Variants in PCDH15 observed in about 807,000 individuals in gnomAD.
PCDH15 encodes protocadherin-15.
PCDH15 carries 129 observed loss-of-function variants against 178.5 expected under a neutral mutation model. The observed-to-expected ratio is 0.72, with a 90% CI of 0.63 to 0.84. The LOEUF (loss-of-function observed/expected upper bound fraction) is 0.84. Among genes scored for constraint, PCDH15 ranks in the 40% least tolerant of loss-of-function variants. PCDH15 has a pLI of 0.00. For synonymous variants in PCDH15, 800 were observed against 732.0 expected (o/e 1.09, Z -1.50); for missense variants, 2,230 against 2,099.9 (o/e 1.06, Z -1.21).
chr10:55,522,326 A>T (rs1485146671), intron 2 of PCDH15, among the ~76,000 whole-genome samples: 2 of 151,622 alleles, frequency 1.3e-5, no homozygotes, highest in East Asian at 3.9e-4. Context: ...TGTTCTATAG[A>T]TCCATTTTTT....
intron 2 of PCDH15, among the ~76,000 whole-genome samples, chr10:55,515,724 A>G (rs1840997396): frequency 6.6e-6 from 1 of 151,852 alleles, no homozygotes. Flanking sequence ...ATGCCACCTT[A>G]AAAAAAAGTC....
At chr10:53,968,643 T>G (rs931722218) in intron 21 of PCDH15, among the ~76,000 whole-genome samples, 1 of 152,162 alleles carries the variant, frequency 6.6e-6, no homozygotes, top group Non-Finnish European at 1.5e-5. Context: ...GACGCCACTC[T>G]GAGACGAAGC....
chr10:54,150,969 C>A (rs923456268), intron 14 of PCDH15, among the ~76,000 whole-genome samples: 1 of 152,016 alleles, frequency 6.6e-6, no homozygotes, highest in African/African-American at 2.4e-5. Flanking sequence ...GCCATGGATG[C>A]AAAATAGGAG....
intron 3 of PCDH15, among the ~76,000 whole-genome samples, chr10:54,515,186 C>T (rs2082085581): frequency 6.6e-6 from 1 of 152,188 alleles, no homozygotes; most frequent in Non-Finnish European, 1.5e-5. Flanking sequence ...CATTGCTTCA[C>T]TCAGGAAACT....
chr10:55,107,586 G>T (rs1301194455), intron 2 of PCDH15, among the ~76,000 whole-genome samples: 1 of 150,012 alleles, frequency 6.7e-6, no homozygotes, highest in East Asian at 2.0e-4. Flanking sequence ...CTGCCTCCTG[G>T]GTTCAAGCGA....
intron 2 of PCDH15, among the ~76,000 whole-genome samples, chr10:54,639,648 G>A (rs1397832515): frequency 6.6e-6 from 1 of 152,070 alleles, no homozygotes; most frequent in Non-Finnish European, 1.5e-5. Context: ...TTATAATAGT[G>A]AATAAAGTAG....
intron 16 of PCDH15, among the ~76,000 whole-genome samples, chr10:54,083,488 A>G (rs564185701): frequency 2.0e-5 from 3 of 152,340 alleles, no homozygotes; most frequent in African/African-American, 7.2e-5. Flanking sequence ...AGACAGACGA[A>G]TCTTGGAAAC....
chr10:55,528,190 T>A (rs1334518384), intron 2 of PCDH15, among the ~76,000 whole-genome samples: 14 of 151,980 alleles, frequency 9.2e-5, no homozygotes, highest in Non-Finnish European at 1.3e-4. Flanking sequence ...GCATGTGCCA[T>A]CACACTCAGC....
chr10:54,604,869 A>G (rs1213302977), intron 2 of PCDH15, among the ~76,000 whole-genome samples: 1 of 140,246 alleles, frequency 7.1e-6, no homozygotes, highest in Non-Finnish European at 1.6e-5. Context: ...ACAGGCTTTA[A>G]TTCCTTTCTC....
chr10:55,181,513 T>C (rs748235235), intron 1 of PCDH15, among the ~76,000 whole-genome samples: 3 of 151,960 alleles, frequency 2.0e-5, no homozygotes, highest in Non-Finnish European at 4.4e-5. Context: ...TTCATTTAAG[T>C]AGATATTTAA....
chr10:54,810,398 G>C (rs73268258), intron 3 of PCDH15, among the ~76,000 whole-genome samples: 6,318 of 152,102 alleles, frequency 0.042, 388 homozygotes, highest in African/African-American at 0.14. Context: ...CTGGCCTAGA[G>C]TTCTATTAAG....
chr10:55,189,788 G>T (rs773960998), intron 1 of PCDH15, among the ~76,000 whole-genome samples: 1 of 151,704 alleles, frequency 6.6e-6, no homozygotes, highest in Admixed American at 6.6e-5. Flanking sequence ...AAAAATTGGG[G>T]TAAATGGAGT....
At chr10:55,604,711 C>A (rs1372395267) in intron 2 of PCDH15, among the ~76,000 whole-genome samples, 1 of 141,856 alleles carries the variant, frequency 7.0e-6, no homozygotes, top group Non-Finnish European at 1.5e-5. Flanking sequence ...AACAAAGACA[C>A]AACATACCAG....
At chr10:54,531,240 A>G (rs750357383) in intron 2 of PCDH15, among the ~76,000 whole-genome samples, 5 of 152,164 alleles carry the variant, frequency 3.3e-5, no homozygotes, top group Non-Finnish European at 5.9e-5. Flanking sequence ...TTTCATGCCT[A>G]AAGTTTCTAG....
At chr10:54,372,732 A>T (rs1324914254) in intron 4 of PCDH15, among the ~76,000 whole-genome samples, 1 of 151,924 alleles carries the variant, frequency 6.6e-6, no homozygotes, top group East Asian at 1.9e-4. Context: ...GAAGAAAAAA[A>T]AGCTAGGTAG....
chr10:55,228,698 C>A (rs1025513013), intron 1 of PCDH15, among the ~76,000 whole-genome samples: 1 of 151,906 alleles, frequency 6.6e-6, no homozygotes, highest in African/African-American at 2.4e-5. Context: ...ACATTTGACA[C>A]ATCACATAAT....
At chr10:54,170,267 AAAC>A (rs200677555) in intron 13 of PCDH15, among the ~76,000 whole-genome samples, 109,491 of 151,220 alleles carry the variant, frequency 0.72, 40,822 homozygotes, top group Middle Eastern at 0.79. Flanking sequence ...AACTTCTACA[AAAC>A]AACAACTCCT....
intron 15 of PCDH15, among the ~76,000 whole-genome samples, chr10:54,109,874 A>C (rs112232009): frequency 1.7e-3 from 253 of 152,344 alleles, no homozygotes; most frequent in African/African-American, 5.3e-3. Context: ...TAAAGGATAG[A>C]TGCTTGAGGT....
At chr10:54,207,725 T>C (rs750790297) in intron 10 of PCDH15, among the ~76,000 whole-genome samples, 3 of 152,072 alleles carry the variant, frequency 2.0e-5, no homozygotes, top group Non-Finnish European at 4.4e-5. Flanking sequence ...TGGCATTTGA[T>C]CCCTTAGTTC....
Sources: gnomAD v4.1 joint callset for allele counts (sites outside exome capture counted in the v4.1 genomes callset) on GRCh38, gnomAD v4.1.1 for gene constraint, MANE v1.5 for transcripts, NCBI Gene and HGNC (gene_info 2026-07-23, HGNC 2026-07-21) for gene names.